The following SPMIP3 variants were observed in gnomAD, a reference collection of about 807,000 sequenced individuals.
SPMIP3 encodes sperm microtubule inner protein 3, also known as protein SPMIP3.
chr1:244,363,760 C>T, the SPMIP3 span, among the ~76,000 whole-genome samples: 1 of 152,204 alleles, frequency 6.6e-6, no homozygotes, highest in Non-Finnish European at 1.5e-5. Flanking sequence ...GCAACAATTG[C>T]TTCTTGAATG....
At chr1:244,362,885 C>T in the SPMIP3 span, among the ~76,000 whole-genome samples, 3 of 148,814 alleles carry the variant, frequency 2.0e-5, no homozygotes, top group Non-Finnish European at 4.5e-5. Context: ...TCACTGTCAC[C>T]CAGGCTGGAG....
chr1:244,378,707 T>C, the SPMIP3 span: 1 of 1,496,164 alleles, frequency 6.7e-7, no homozygotes. Flanking sequence ...TAGCATCTCC[T>C]GTAGGCTTGC....
chr1:244,371,195 C>T, the SPMIP3 span, among the ~76,000 whole-genome samples: 1 of 152,198 alleles, frequency 6.6e-6, no homozygotes, highest in African/African-American at 2.4e-5. Context: ...AAAAGCCAAG[C>T]CATCAGGGAC....
the SPMIP3 span, chr1:244,378,765 T>G: frequency 1.1e-6 from 1 of 900,416 alleles, no homozygotes. Flanking sequence ...GGCATGGATA[T>G]GTGTGTGTGT....
At chr1:244,364,848 T>A in the SPMIP3 span, 5 of 1,320,688 alleles carry the variant, frequency 3.8e-6, no homozygotes, top group Non-Finnish European at 5.5e-6. Flanking sequence ...TGCTCAGTGG[T>A]CCAGAGACTA....
the SPMIP3 span, among the ~76,000 whole-genome samples, chr1:244,385,183 G>A: frequency 1.2e-4 from 18 of 152,120 alleles, no homozygotes; most frequent in Non-Finnish European, 2.2e-4. Context: ...ATGAGCCACC[G>A]TGCCCAGCCT....
the SPMIP3 span, among the ~76,000 whole-genome samples, chr1:244,380,977 G>C: frequency 3.0e-4 from 45 of 152,002 alleles, 1 homozygote; most frequent in African/African-American, 1.1e-3. Flanking sequence ...ACTGGAGCCT[G>C]ATCACGGCGG....
At chr1:244,355,383 T>C in the SPMIP3 span, among the ~76,000 whole-genome samples, 3 of 151,440 alleles carry the variant, frequency 2.0e-5, no homozygotes, top group Non-Finnish European at 4.4e-5. Flanking sequence ...TTTATTCTTT[T>C]TATTGATTGA....
the SPMIP3 span, among the ~76,000 whole-genome samples, chr1:244,368,622 T>C: frequency 1.3e-5 from 2 of 152,198 alleles, no homozygotes; most frequent in Non-Finnish European, 2.9e-5. Context: ...TAGGCACGGT[T>C]GTTGAAAATA....
the SPMIP3 span, among the ~76,000 whole-genome samples, chr1:244,359,168 A>G: frequency 6.7e-6 from 1 of 149,356 alleles, no homozygotes; most frequent in Non-Finnish European, 1.5e-5. Flanking sequence ...GTGATTTGGT[A>G]TCCCTCACAT....
chr1:244,379,805 C>A, the SPMIP3 span, among the ~76,000 whole-genome samples: 4 of 151,940 alleles, frequency 2.6e-5, no homozygotes, highest in East Asian at 5.9e-4. Context: ...CATGGAGAAA[C>A]CCTGTCTCTA....
the SPMIP3 span, among the ~76,000 whole-genome samples, chr1:244,361,573 C>T: frequency 6.6e-6 from 1 of 151,848 alleles, no homozygotes. Flanking sequence ...TTAGAATGTT[C>T]CTAACACAAA....
the SPMIP3 span, chr1:244,376,473 A>C: frequency 1.3e-5 from 2 of 152,212 alleles, no homozygotes; most frequent in Non-Finnish European, 2.9e-5. Flanking sequence ...TCTATTTTAT[A>C]GTTTAAAAAC....
chr1:244,372,714 AT>A, the SPMIP3 span, among the ~76,000 whole-genome samples: 13 of 152,274 alleles, frequency 8.5e-5, no homozygotes, highest in South Asian at 2.7e-3. Context: ...AAGTGCTGGG[AT>A]TACAGGCGCG....
At chr1:244,380,123 C>CT in the SPMIP3 span, among the ~76,000 whole-genome samples, 1,885 of 115,324 alleles carry the variant, frequency 0.016, 36 homozygotes, top group African/African-American at 0.029. Flanking sequence ...CAGAGTTTTT[C>CT]TTTTTTTTTT....
At chr1:244,358,971 G>A in the SPMIP3 span, among the ~76,000 whole-genome samples, 5 of 152,198 alleles carry the variant, frequency 3.3e-5, no homozygotes, top group East Asian at 7.7e-4. Context: ...GTACAGCACT[G>A]GCTGTGACCA....
chr1:244,360,419 T>C, the SPMIP3 span, among the ~76,000 whole-genome samples: 114,064 of 151,454 alleles, frequency 0.75, 43,242 homozygotes, highest in East Asian at 0.95. Context: ...TCTGCAGTCC[T>C]GTGTTTATTG....
chr1:244,370,734 TA>T, the SPMIP3 span, among the ~76,000 whole-genome samples: 17 of 152,270 alleles, frequency 1.1e-4, no homozygotes, highest in African/African-American at 3.1e-4. Flanking sequence ...GAATTCTTAT[TA>T]AAACAAATCA....
chr1:244,374,896 C>A, the SPMIP3 span, among the ~76,000 whole-genome samples: 1 of 151,984 alleles, frequency 6.6e-6, no homozygotes, highest in African/African-American at 2.4e-5. Flanking sequence ...CCGTGCCCAG[C>A]CCGATTCCCA....
Sources: allele counts gnomAD v4.1 joint callset (sites outside exome capture counted in the v4.1 genomes callset), GRCh38; gene constraint gnomAD v4.1.1; transcripts MANE v1.5; gene names NCBI Gene and HGNC (gene_info 2026-07-23, HGNC 2026-07-21).